The following ASIC2 variants were observed in gnomAD, a reference collection of about 807,000 sequenced individuals.
The protein encoded by ASIC2 is acid sensing ion channel subunit 2, also known as acid-sensing ion channel 2.
Under a neutral mutation model 57.3 loss-of-function variants are expected in ASIC2, and 25 were observed. That is an observed-to-expected ratio of 0.44 (90% CI 0.32 to 0.61). ASIC2 has a LOEUF of 0.61. ASIC2 is among the 20% of genes least tolerant of loss of function. The pLI, the probability that ASIC2 is intolerant of heterozygous loss-of-function variation, is 0.06. For missense variants in ASIC2, 641 were observed against 738.1 expected (o/e 0.87, Z 1.52); for synonymous variants, 319 against 307.5 (o/e 1.04, Z -0.39).
chr17:33,804,477 G>C (rs938630989), intron 1 of ASIC2, among the ~76,000 whole-genome samples: 1 of 152,146 alleles, frequency 6.6e-6, no homozygotes, highest in Non-Finnish European at 1.5e-5. Flanking sequence ...CGATGATGAA[G>C]GAATGAGTGA....
At chr17:34,068,360 T>C (rs951943300) in intron 1 of ASIC2, among the ~76,000 whole-genome samples, 1 of 152,156 alleles carries the variant, frequency 6.6e-6, no homozygotes, top group South Asian at 2.1e-4. Flanking sequence ...AGAAAACTCA[T>C]AGGAAAATGG....
At chr17:33,919,009 A>G (rs1307236029) in intron 1 of ASIC2, among the ~76,000 whole-genome samples, 1 of 152,100 alleles carries the variant, frequency 6.6e-6, no homozygotes, top group Admixed American at 6.5e-5. Flanking sequence ...ACCTGGGGTG[A>G]AGGATTGGGG....
At chr17:33,588,956 G>C (rs1904737076) in intron 1 of ASIC2, among the ~76,000 whole-genome samples, 1 of 152,196 alleles carries the variant, frequency 6.6e-6, no homozygotes, top group African/African-American at 2.4e-5. Flanking sequence ...ATGGAAAGAA[G>C]AATCAGATAA....
chr17:33,239,290 CAA>C lies in ASIC2; in HGVS notation c.708+52116_708+52117del, dbSNP rs201050421. On this transcript the variant is annotated intron_variant, in intron 1 of 9. Transcript: ENST00000225823. Reference sequence around the variant, plus strand: ...TGGGCAACAGAGTGAGACTCCGTCTCAAAAAAAAAAAGTCTTTGCTCAAATAT... The same window carrying C: ...TGGGCAACAGAGTGAGACTCCGTCTCAAAAAAAAAGTCTTTGCTCAAATAT... Among the ~76,000 whole-genome samples the C allele has an allele frequency of 2.1e-5, 3 of 145,630 alleles. No homozygotes were observed. In the Admixed American group the frequency reaches 2.1e-4, roughly 10 times the overall value.
intron 1 of ASIC2, among the ~76,000 whole-genome samples, chr17:33,731,827 G>T (rs1211515693): frequency 6.6e-6 from 1 of 152,156 alleles, no homozygotes; most frequent in African/African-American, 2.4e-5. Flanking sequence ...TGGGAAGGCT[G>T]GCCTCAGAGC....
At chr17:33,528,378 C>T (rs1288477428) in intron 1 of ASIC2, among the ~76,000 whole-genome samples, 1 of 152,146 alleles carries the variant, frequency 6.6e-6, no homozygotes, top group Non-Finnish European at 1.5e-5. Flanking sequence ...GCACCAACAA[C>T]CCTGATAGCA....
At chr17:33,807,735 AC>A (rs1912308983) in intron 1 of ASIC2, among the ~76,000 whole-genome samples, 2 of 152,096 alleles carry the variant, frequency 1.3e-5, no homozygotes, top group Admixed American at 6.5e-5. Flanking sequence ...CAATCATGTA[AC>A]TCCCTCACTC....
At chr17:33,824,892 T>G (rs1334778724) in intron 1 of ASIC2, among the ~76,000 whole-genome samples, 1 of 152,104 alleles carries the variant, frequency 6.6e-6, no homozygotes, top group Non-Finnish European at 1.5e-5. Flanking sequence ...AATTAGCCAG[T>G]CTCGGGTATG....
chr17:34,120,475 G>C (rs1435143610), intron 1 of ASIC2, among the ~76,000 whole-genome samples: 1 of 151,848 alleles, frequency 6.6e-6, no homozygotes, highest in East Asian at 1.9e-4. Flanking sequence ...AGACTTTGGG[G>C]GATGTTGGGA....
At chr17:33,614,575 AT>A (rs1193001189) in intron 1 of ASIC2, among the ~76,000 whole-genome samples, 1 of 152,222 alleles carries the variant, frequency 6.6e-6, no homozygotes, top group Admixed American at 6.5e-5. Context: ...TCTTGAGTTT[AT>A]TTATTTTTTG....
At chr17:33,540,072 G>C (rs1915359601) in intron 1 of ASIC2, among the ~76,000 whole-genome samples, 2 of 152,208 alleles carry the variant, frequency 1.3e-5, no homozygotes, top group African/African-American at 4.8e-5. Context: ...TTGTCTCACA[G>C]TTCGGGAGGC....
Position 33,759,646 on chromosome 17 carries a change from G to A in ASIC2, c.555+396332C>T, listed in dbSNP as rs554381097. On this transcript the variant is annotated intron_variant, in intron 1 of 9. Transcript: ENST00000359872. Reference sequence around the variant, plus strand: ...ATGGCAGAATGGTTTCAGGGGACAAGCCTGAGGTCCTCATGATGGCCTTGC... The same window carrying A: ...ATGGCAGAATGGTTTCAGGGGACAAACCTGAGGTCCTCATGATGGCCTTGC... Among the ~76,000 whole-genome samples, 172 of 152,272 alleles carry A rather than the reference G, an allele frequency of 1.1e-3. 1 individual carries two copies. The highest frequency in any genetic ancestry group is 3.8e-3 in the African/African-American group (156 of 41,560).
intron 1 of ASIC2, among the ~76,000 whole-genome samples, chr17:33,153,179 C>T (rs1009978358): frequency 3.3e-5 from 5 of 152,238 alleles, no homozygotes; most frequent in Non-Finnish European, 7.3e-5. Flanking sequence ...CTCCCAAGAT[C>T]CCATAGCCAG....
At chr17:33,253,841 C>T (rs918629785) in intron 1 of ASIC2, among the ~76,000 whole-genome samples, 3 of 152,044 alleles carry the variant, frequency 2.0e-5, no homozygotes, top group Non-Finnish European at 4.4e-5. Flanking sequence ...ATGTTCCAGC[C>T]CCATGATGCC....
chr17:33,417,558 C>G (rs60205167), intron 1 of ASIC2, among the ~76,000 whole-genome samples: 2,405 of 152,288 alleles, frequency 0.016, 30 homozygotes, highest in African/African-American at 0.038. Flanking sequence ...ATCAAGTCCT[C>G]AGTGGGCTCT....
At chr17:33,333,309 C>T (rs1205248849) in intron 1 of ASIC2, among the ~76,000 whole-genome samples, 1 of 152,164 alleles carries the variant, frequency 6.6e-6, no homozygotes, top group African/African-American at 2.4e-5. Context: ...AGGTTCTTAT[C>T]CGGGCCTTAT....
chr17:33,682,160 C>T (rs996008386), intron 1 of ASIC2, among the ~76,000 whole-genome samples: 9 of 150,702 alleles, frequency 6.0e-5, no homozygotes, highest in African/African-American at 9.8e-5. Context: ...CCCGAGTTCA[C>T]GCCATTCTCC....
At chr17:33,282,631 G>C (rs1314198716) in intron 1 of ASIC2, among the ~76,000 whole-genome samples, 3 of 151,998 alleles carry the variant, frequency 2.0e-5, no homozygotes, top group African/African-American at 4.8e-5. Context: ...CCTGCCATCA[G>C]ACCCGACTAA....
intron 1 of ASIC2, among the ~76,000 whole-genome samples, chr17:33,332,616 C>A (rs1046811202): frequency 5.9e-5 from 9 of 152,146 alleles, no homozygotes; most frequent in Non-Finnish European, 1.2e-4. Context: ...CACGGCCAGG[C>A]ATGGTGGCTC....
Sources: gnomAD v4.1 joint callset for allele counts (sites outside exome capture counted in the v4.1 genomes callset) on GRCh38, gnomAD v4.1.1 for gene constraint, MANE v1.5 for transcripts, NCBI Gene and HGNC (gene_info 2026-07-23, HGNC 2026-07-21) for gene names.